Variants in ANKRD30B observed in about 807,000 individuals in gnomAD.
The protein encoded by ANKRD30B is ankyrin repeat domain 30B, also known as ankyrin repeat domain-containing protein 30B.
Under a neutral mutation model 202.2 loss-of-function variants are expected in ANKRD30B, and 144 were observed. That is an observed-to-expected ratio of 0.71 (90% CI 0.62 to 0.82). ANKRD30B has a LOEUF of 0.82. ANKRD30B is among the 40% of genes least tolerant of loss of function. ANKRD30B has a pLI of 0.00. For missense variants in ANKRD30B, 1,487 were observed against 1,669.1 expected (o/e 0.89, Z 1.90); for synonymous variants, 508 against 561.3 (o/e 0.91, Z 1.34).
the ANKRD30B span, chr18:14,903,486 G>A: frequency 4.1e-4 from 62 of 152,322 alleles, no homozygotes; most frequent in African/African-American, 1.4e-3. Context: ...CTGAGAGATA[G>A]ATATTGTCTT....
chr18:14,860,406 C>T, the ANKRD30B span, among the ~76,000 whole-genome samples: 3 of 119,006 alleles, frequency 2.5e-5, no homozygotes, highest in African/African-American at 3.2e-5. Context: ...CAGAGGCGCT[C>T]CTCACCTCCC....
intron 16 of ANKRD30B, among the ~76,000 whole-genome samples, chr18:14,793,896 G>GC (rs1555654527): frequency 1.4e-5 from 2 of 141,008 alleles, no homozygotes; most frequent in Non-Finnish European, 3.1e-5. Context: ...ACCGACAAAA[G>GC]AAAAAAAAAA....
At chr18:14,908,541 C>G in the ANKRD30B span, among the ~76,000 whole-genome samples, 3 of 152,206 alleles carry the variant, frequency 2.0e-5, no homozygotes, top group Admixed American at 6.5e-5. Context: ...CCTCACTGTG[C>G]CTGCCAGCCC....
chr18:14,864,361 C>CCAAAA, the ANKRD30B span, among the ~76,000 whole-genome samples: 5 of 151,910 alleles, frequency 3.3e-5, no homozygotes, highest in African/African-American at 1.2e-4. Flanking sequence ...CCAAACCAAA[C>CCAAAA]CAAAACAAAA....
At chr18:14,773,533 G>T (rs1379124426) in intron 9 of ANKRD30B, among the ~76,000 whole-genome samples, 1 of 152,126 alleles carries the variant, frequency 6.6e-6, no homozygotes, top group Non-Finnish European at 1.5e-5. Flanking sequence ...ATAAATTCAT[G>T]TGAAAATATG....
chr18:14,758,215 G>C (rs1260941246), intron 5 of ANKRD30B, among the ~76,000 whole-genome samples: 2 of 152,108 alleles, frequency 1.3e-5, no homozygotes, highest in Non-Finnish European at 2.9e-5. Context: ...TTTCTAATTA[G>C]TTATTTGGGT....
At chr18:14,771,881 A>G (rs1304985075) in intron 8 of ANKRD30B, among the ~76,000 whole-genome samples, 3 of 152,204 alleles carry the variant, frequency 2.0e-5, no homozygotes, top group Non-Finnish European at 4.4e-5. Context: ...TTATATTGGC[A>G]GTCACTATTT....
At chr18:14,908,471 G>C in the ANKRD30B span, among the ~76,000 whole-genome samples, 1 of 152,074 alleles carries the variant, frequency 6.6e-6, no homozygotes, top group African/African-American at 2.4e-5. Flanking sequence ...ATTCTTGGAG[G>C]TCACTGTCTC....
At chr18:14,916,179 G>T in the ANKRD30B span, among the ~76,000 whole-genome samples, 1 of 152,216 alleles carries the variant, frequency 6.6e-6, no homozygotes, top group Admixed American at 6.5e-5. Flanking sequence ...AGTGCCTAAA[G>T]GGGGTGAGCA....
the ANKRD30B span, among the ~76,000 whole-genome samples, chr18:14,904,164 C>T: frequency 2.0e-5 from 3 of 152,342 alleles, no homozygotes; most frequent in East Asian, 5.8e-4. Context: ...GTGATCAGTT[C>T]TCTTCCCATG....
At chr18:14,885,611 A>G in the ANKRD30B span, among the ~76,000 whole-genome samples, 2 of 152,008 alleles carry the variant, frequency 1.3e-5, no homozygotes, top group Non-Finnish European at 2.9e-5. Flanking sequence ...GAATGCTTTT[A>G]CTACAGCTAG....
At chr18:14,779,235 C>T (rs539852766) in intron 10 of ANKRD30B, among the ~76,000 whole-genome samples, 1 of 152,250 alleles carries the variant, frequency 6.6e-6, no homozygotes, top group South Asian at 2.1e-4. Context: ...CTCCTTGGAC[C>T]TTTAATTCCA....
At chr18:14,750,969 A>G (rs1913344661) in intron 1 of ANKRD30B, among the ~76,000 whole-genome samples, 1 of 151,992 alleles carries the variant, frequency 6.6e-6, no homozygotes, top group South Asian at 2.1e-4. Context: ...CTATTAGTAA[A>G]AGTTTATTAT....
At chr18:14,835,695 T>C (rs1452175534) in intron 34 of ANKRD30B, among the ~76,000 whole-genome samples, 1 of 151,706 alleles carries the variant, frequency 6.6e-6, no homozygotes, top group African/African-American at 2.4e-5. Flanking sequence ...TAAACTACCA[T>C]CCTATATGGT....
chr18:14,875,483 C>T, the ANKRD30B span, among the ~76,000 whole-genome samples: 2 of 152,068 alleles, frequency 1.3e-5, no homozygotes, highest in Non-Finnish European at 1.5e-5. Flanking sequence ...TTATTGAGCG[C>T]TTACTGTGTG....
intron 32 of ANKRD30B, among the ~76,000 whole-genome samples, chr18:14,823,588 C>T (rs973630268): frequency 2.6e-5 from 4 of 151,938 alleles, no homozygotes; most frequent in African/African-American, 4.8e-5. Context: ...AGCACTTGGC[C>T]TTAGTATCTT....
chr18:14,765,698 A>G (rs1336779520), intron 7 of ANKRD30B, among the ~76,000 whole-genome samples: 1 of 152,130 alleles, frequency 6.6e-6, no homozygotes, highest in Non-Finnish European at 1.5e-5. Context: ...GTAATTACAT[A>G]AAAAGATTTA....
the ANKRD30B span, among the ~76,000 whole-genome samples, chr18:14,920,682 C>T: frequency 1.3e-5 from 2 of 152,218 alleles, no homozygotes; most frequent in Non-Finnish European, 2.9e-5. Context: ...AAGACATTCT[C>T]CAGGCTGAAA....
At chr18:14,866,400 C>T in the ANKRD30B span, among the ~76,000 whole-genome samples, 18 of 152,034 alleles carry the variant, frequency 1.2e-4, no homozygotes, top group Admixed American at 7.2e-4. Context: ...AGATCATGGC[C>T]GGAGTGGTAG....
Sources: allele counts gnomAD v4.1 joint callset (sites outside exome capture counted in the v4.1 genomes callset), GRCh38; gene constraint gnomAD v4.1.1; transcripts MANE v1.5; gene names NCBI Gene and HGNC (gene_info 2026-07-23, HGNC 2026-07-21).